The following SLC9C1 variants were observed in gnomAD, a reference collection of about 807,000 sequenced individuals.
The protein encoded by SLC9C1 is sodium/hydrogen exchanger 10.
SLC9C1 carries 97 observed loss-of-function variants against 140.9 expected under a neutral mutation model. The observed-to-expected ratio is 0.69, with a 90% CI of 0.58 to 0.82. The LOEUF (loss-of-function observed/expected upper bound fraction) is 0.82, where lower values mean the gene tolerates loss of function less well. Ranked by LOEUF, SLC9C1 falls within the 40% of genes least tolerant of loss-of-function variation. SLC9C1 has a pLI of 0.00. For missense variants in SLC9C1, 1,340 were observed against 1,389.3 expected, an observed-to-expected ratio of 0.96 and a Z score of 0.56; for synonymous variants, 440 against 442.6, an observed-to-expected ratio of 0.99 and a Z score of 0.07.
At chr3:112,155,109 T>C in intron 26 of SLC9C1, 60 bp from the exon 27 acceptor site, 2 of 1,387,164 alleles carry the variant, frequency 1.4e-6, no homozygotes, top group Non-Finnish European at 2.0e-6. Flanking sequence ...ACTATTTCTA[T>C]TAGTCCAACT....
chr3:112,224,551 G>A (rs9288942), intron 13 of SLC9C1, among the ~76,000 whole-genome samples: 114,952 of 151,614 alleles, frequency 0.76, 43,932 homozygotes, highest in East Asian at 0.99. Flanking sequence ...CAATAAAATC[G>A]AAAAGCAATT....
chr3:112,197,726 A>T (rs2077802737), intron 20 of SLC9C1, among the ~76,000 whole-genome samples: 1 of 152,170 alleles, frequency 6.6e-6, no homozygotes, highest in Non-Finnish European at 1.5e-5. Context: ...TCTTCCTAGA[A>T]TCCTCTAAAT....
chr3:112,193,028 A>G (rs527916526), intron 20 of SLC9C1, among the ~76,000 whole-genome samples: 3 of 152,234 alleles, frequency 2.0e-5, no homozygotes, highest in Admixed American at 6.5e-5. Context: ...TCGGTTGGGT[A>G]GAATGCATTG....
intron 17 of SLC9C1, among the ~76,000 whole-genome samples, chr3:112,202,916 C>T (rs998002009): frequency 6.6e-6 from 1 of 151,916 alleles, no homozygotes; most frequent in African/African-American, 2.4e-5. Flanking sequence ...GTGCAGTCCC[C>T]TAGCTTCTGC....
At chr3:112,281,786 A>G (rs754212700) in intron 2 of SLC9C1, among the ~76,000 whole-genome samples, 2 of 152,244 alleles carry the variant, frequency 1.3e-5, no homozygotes, top group Non-Finnish European at 2.9e-5. Flanking sequence ...TGAAGCAAGA[A>G]CAAACATCAA....
chr3:112,270,272 G>A (rs1279502833), intron 6 of SLC9C1, among the ~76,000 whole-genome samples, 195 bp from the exon 7 acceptor site: 3 of 152,128 alleles, frequency 2.0e-5, no homozygotes, highest in Non-Finnish European at 4.4e-5. Flanking sequence ...TAGGATTACT[G>A]GACCATATGG....
At chr3:112,150,095 C>T (rs1372074115) in intron 28 of SLC9C1, among the ~76,000 whole-genome samples, 1 of 152,174 alleles carries the variant, frequency 6.6e-6, no homozygotes, top group Admixed American at 6.5e-5. Context: ...AATTCTAGCA[C>T]CTACTGTTGA....
At chr3:112,277,590 CT>C in intron 5 of SLC9C1, 104 bp downstream of exon 5, 1 of 1,019,974 alleles carries the variant, frequency 9.8e-7, no homozygotes, top group South Asian at 2.5e-5. Flanking sequence ...CCCTCACTAC[CT>C]GACTTCTCAC....
intron 11 of SLC9C1, among the ~76,000 whole-genome samples, chr3:112,242,582 A>G (rs2079165939): frequency 6.6e-6 from 1 of 152,096 alleles, no homozygotes; most frequent in Admixed American, 6.6e-5. Flanking sequence ...GCATTCAAAA[A>G]ATAGAAAGAA....
Position 112,269,980 on chromosome 3 carries a change from A to G in SLC9C1, c.711T>C (p.Val237=). The change falls in exon 7 of 29, where the codon GTT becomes GTC. Residue 237 remains valine (V), a synonymous_variant. Transcript: ENST00000305815. The stretch of plus-strand genomic sequence containing the variant: ...TTATATGATTGACATCATCACCAAA[A>G]ACAGTTGACATCCAAAATTGAATCA... ...SKLIQFWMST[V]FGDDVNHISL... is the part of the protein sequence containing the mutation. 2 of 1,601,866 alleles carry G rather than the reference A, an allele frequency of 1.2e-6. No homozygotes were observed. The highest frequency in any genetic ancestry group is 8.5e-7 in the Non-Finnish European group (1 of 1,174,920).
intron 15 of SLC9C1, among the ~76,000 whole-genome samples, chr3:112,216,448 A>G (rs963411229): frequency 3.9e-4 from 60 of 152,216 alleles, no homozygotes; most frequent in African/African-American, 1.3e-3. Context: ...AATTTTTGCA[A>G]TATACCCATC....
chr3:112,272,462 ACT>A (rs1290936542), intron 6 of SLC9C1, among the ~76,000 whole-genome samples: 1 of 151,844 alleles, frequency 6.6e-6, no homozygotes, highest in Admixed American at 6.6e-5. Context: ...GATTAGTAAC[ACT>A]GTTTAAATAA....
chr3:112,151,930 GA>G lies in SLC9C1; in HGVS notation c.3450del (p.Gln1152SerfsTer18). On this transcript the variant is annotated frameshift_variant, in exon 28 of 29. Transcript: ENST00000305815. LOFTEE classifies it high-confidence loss of function. ...DGAHSAATARSPQPCSLLGTK... is the reference protein window; with the variant it reads ...DGAHSAATARXPQPCSLLGTK... ...GTCCCCAGCAGGGAGCAAGGCTGGG[GA>G]CTCCTGGCAGTGGCGGCACTGTGTG... is the stretch of plus-strand genomic sequence containing the variant. 6.2e-7 allele frequency: 1 copy of G among 1,605,502 alleles called. No homozygotes were observed. The highest frequency in any genetic ancestry group is 1.1e-5 in the South Asian group (1 of 89,340).
At chr3:112,211,257 C>T (rs975099046) in intron 15 of SLC9C1, among the ~76,000 whole-genome samples, 1 of 152,192 alleles carries the variant, frequency 6.6e-6, no homozygotes, top group African/African-American at 2.4e-5. Flanking sequence ...AGGAACAGCT[C>T]CAGTCTACAG....
chr3:112,248,568 T>C (rs2079358294), intron 10 of SLC9C1, among the ~76,000 whole-genome samples: 1 of 152,186 alleles, frequency 6.6e-6, no homozygotes. Context: ...TAGTTTTGTA[T>C]ACTGAACATG....
chr3:112,267,068 G>A (rs988098789), intron 7 of SLC9C1, among the ~76,000 whole-genome samples: 19 of 152,048 alleles, frequency 1.2e-4, no homozygotes, highest in African/African-American at 3.9e-4. Flanking sequence ...GCTTGAGACC[G>A]GGGGTTCAGG....
intron 12 of SLC9C1, among the ~76,000 whole-genome samples, chr3:112,233,238 T>C (rs2078882507): frequency 1.3e-5 from 2 of 151,874 alleles, no homozygotes; most frequent in Non-Finnish European, 2.9e-5. Context: ...AACTAATTTT[T>C]TGTATATTTT....
intron 20 of SLC9C1, among the ~76,000 whole-genome samples, chr3:112,193,052 G>A (rs932628563): frequency 7.2e-5 from 11 of 152,178 alleles, no homozygotes; most frequent in Non-Finnish European, 1.3e-4. Context: ...TTGGATCTAG[G>A]TGGATGCAGT....
At chr3:112,193,186 G>A (rs1212848689) in intron 20 of SLC9C1, among the ~76,000 whole-genome samples, 1 of 152,196 alleles carries the variant, frequency 6.6e-6, no homozygotes, top group Admixed American at 6.5e-5. Flanking sequence ...GTATAGACTT[G>A]CCGGACTGCC....
Sources: allele counts gnomAD v4.1 joint callset (sites outside exome capture counted in the v4.1 genomes callset), GRCh38; gene constraint gnomAD v4.1.1; transcripts MANE v1.5; gene names NCBI Gene and HGNC (gene_info 2026-07-23, HGNC 2026-07-21).